The following ADGRB3 variants were observed in gnomAD, a reference collection of about 807,000 sequenced individuals.
ADGRB3 encodes brain-specific angiogenesis inhibitor 3.
ADGRB3 carries 37 observed loss-of-function variants against 193.4 expected under a neutral mutation model. The ratio of observed to expected loss-of-function variants is 0.19; its 90% CI spans 0.15 to 0.25. The LOEUF (loss-of-function observed/expected upper bound fraction) is 0.25. Ranked by LOEUF, ADGRB3 falls within the 10% of genes least tolerant of loss-of-function variation. The probability of loss-of-function intolerance (pLI) is 1.00; values close to 1 mark genes in which losing one functional copy is unlikely to be tolerated. For synonymous variants in ADGRB3, 690 were observed against 644.2 expected, an observed-to-expected ratio of 1.07 and a Z score of -1.08; for missense variants, 1,637 against 1,852.9, an observed-to-expected ratio of 0.88 and a Z score of 2.14.
At chr6:68,662,772 A>G (rs1768697309) in intron 3 of ADGRB3, among the ~76,000 whole-genome samples, 1 of 151,420 alleles carries the variant, frequency 6.6e-6, no homozygotes, top group South Asian at 2.1e-4. Flanking sequence ...TGTTATCCCA[A>G]GAGAATCATG....
intron 17 of ADGRB3, among the ~76,000 whole-genome samples, chr6:69,123,255 T>G (rs1773767978): frequency 6.6e-6 from 1 of 152,192 alleles, no homozygotes; most frequent in Non-Finnish European, 1.5e-5. Flanking sequence ...TAATGTAATA[T>G]AGGTGACTAA....
intron 29 of ADGRB3, among the ~76,000 whole-genome samples, chr6:69,369,312 A>C (rs1426671164): frequency 2.0e-5 from 3 of 152,164 alleles, no homozygotes; most frequent in Non-Finnish European, 4.4e-5. Flanking sequence ...CACTGTATGT[A>C]TACCAACGGT....
At chr6:68,874,118 C>T (rs1765528283) in intron 3 of ADGRB3, among the ~76,000 whole-genome samples, 1 of 152,038 alleles carries the variant, frequency 6.6e-6, no homozygotes, top group Non-Finnish European at 1.5e-5. Context: ...ATATTTTTCA[C>T]ACCGTATGAC....
chr6:69,051,669 A>G (rs1172958858), intron 15 of ADGRB3, among the ~76,000 whole-genome samples: 2 of 152,202 alleles, frequency 1.3e-5, no homozygotes, highest in African/African-American at 4.8e-5. Flanking sequence ...TTTTCAAAAC[A>G]TTCTTCCAGA....
At chr6:69,381,616 C>T (rs1408545854) in intron 30 of ADGRB3, among the ~76,000 whole-genome samples, 2 of 151,794 alleles carry the variant, frequency 1.3e-5, no homozygotes, top group South Asian at 4.2e-4. Context: ...GTCTTTTGTC[C>T]TTTTCCTTTT....
chr6:68,661,439 A>G (rs1293727229), intron 3 of ADGRB3, among the ~76,000 whole-genome samples: 6 of 126,320 alleles, frequency 4.7e-5, no homozygotes, highest in African/African-American at 1.8e-4. Flanking sequence ...ATACATATAT[A>G]TATGTGTGTA....
intron 8 of ADGRB3, among the ~76,000 whole-genome samples, chr6:68,974,332 C>T (rs1768677948): frequency 6.6e-6 from 1 of 152,004 alleles, no homozygotes. Context: ...ATGTTTATGC[C>T]ACTAACATTT....
intron 3 of ADGRB3, among the ~76,000 whole-genome samples, chr6:68,898,669 A>G (rs542616506): frequency 5.9e-5 from 9 of 152,262 alleles, no homozygotes; most frequent in Admixed American, 3.9e-4. Flanking sequence ...GGAAAGTAGA[A>G]TAACTTTGCA....
intron 3 of ADGRB3, among the ~76,000 whole-genome samples, chr6:68,740,226 C>T (rs1766032483): frequency 6.6e-6 from 1 of 152,066 alleles, no homozygotes; most frequent in African/African-American, 2.4e-5. Context: ...TGTTGTGTGT[C>T]TGGGCAGGCT....
At chr6:68,705,076 TG>T (rs1180791959) in intron 3 of ADGRB3, among the ~76,000 whole-genome samples, 1 of 152,226 alleles carries the variant, frequency 6.6e-6, no homozygotes, top group Non-Finnish European at 1.5e-5. Flanking sequence ...TTTTCTAGAA[TG>T]TTCTTGCTTC....
chr6:69,265,212 A>G (rs1198710650), intron 20 of ADGRB3, among the ~76,000 whole-genome samples: 1 of 151,974 alleles, frequency 6.6e-6, no homozygotes, highest in Non-Finnish European at 1.5e-5. Context: ...GAGTTCAGGG[A>G]ACCAGAGTAG....
At chr6:69,043,413 A>G (rs530816789) in intron 13 of ADGRB3, among the ~76,000 whole-genome samples, 3 of 152,300 alleles carry the variant, frequency 2.0e-5, no homozygotes, top group Non-Finnish European at 2.9e-5. Flanking sequence ...GAGAAGCTCT[A>G]TTTATTTTTA....
At chr6:68,712,052 G>A (rs1765416537) in intron 3 of ADGRB3, among the ~76,000 whole-genome samples, 1 of 151,920 alleles carries the variant, frequency 6.6e-6, no homozygotes. Context: ...GATAACTCCA[G>A]GGTAAATATT....
intron 16 of ADGRB3, among the ~76,000 whole-genome samples, chr6:69,065,355 G>C (rs757142704): frequency 6.6e-6 from 1 of 152,126 alleles, no homozygotes; most frequent in South Asian, 2.1e-4. Flanking sequence ...TCCAGTTACT[G>C]ACCACACAAC....
In ADGRB3 at chr6:69,255,437, C is replaced by T. The variant is rs28896198; in HGVS notation, c.2814+16211C>T. Among the ~76,000 whole-genome samples, 492 of 152,230 alleles carry T rather than the reference C, an allele frequency of 3.2e-3. 1 individual carries two copies. Among genetic ancestry groups the T allele is most frequent in the African/African-American group, 0.011 (465 of 41,534 alleles). ...AGATGGTATCTCATTGTGGTTTTGA[C>T]TTGCATTTCTCTGATGTCCAGTGAT... On this transcript the variant is annotated intron_variant, in intron 20 of 31. Coordinates refer to ENST00000370598, the MANE Select transcript of ADGRB3 (RefSeq NM_001704.3).
intron 3 of ADGRB3, among the ~76,000 whole-genome samples, chr6:68,866,602 A>T (rs1765303639): frequency 6.6e-6 from 1 of 152,226 alleles, no homozygotes; most frequent in South Asian, 2.1e-4. Flanking sequence ...TGGAGGGCTC[A>T]GAAGAAGAAA....
At chr6:68,864,420 G>A (rs922734343) in intron 3 of ADGRB3, among the ~76,000 whole-genome samples, 1 of 152,152 alleles carries the variant, frequency 6.6e-6, no homozygotes, top group Non-Finnish European at 1.5e-5. Flanking sequence ...ATGAGTTGGA[G>A]GAAAAGTGTG....
intron 3 of ADGRB3, among the ~76,000 whole-genome samples, chr6:68,775,145 T>TAAAAAAAAAAAA (rs746086066): frequency 2.6e-5 from 3 of 115,648 alleles, no homozygotes; most frequent in East Asian, 5.4e-4. Flanking sequence ...AGCTGCTTGT[T>TAAAAAAAAAAAA]AAAAAAAAAA....
At chr6:69,137,616 A>G (rs1035141925) in intron 17 of ADGRB3, among the ~76,000 whole-genome samples, 2 of 151,918 alleles carry the variant, frequency 1.3e-5, no homozygotes, top group Non-Finnish European at 2.9e-5. Context: ...GGCCAATATG[A>G]TGAAACCCCA....
Sources: allele counts gnomAD v4.1 joint callset (sites outside exome capture counted in the v4.1 genomes callset), GRCh38; gene constraint gnomAD v4.1.1; transcripts MANE v1.5; gene names NCBI Gene and HGNC (gene_info 2026-07-23, HGNC 2026-07-21).